SCD5: variants seen among roughly 807,000 people sequenced by gnomAD.
SCD5 encodes acyl-CoA-desaturase 4.
SCD5 carries 20 observed loss-of-function variants against 30.4 expected under a neutral mutation model. The ratio of observed to expected loss-of-function variants is 0.66; its 90% confidence interval spans 0.46 to 0.96. The LOEUF (loss-of-function observed/expected upper bound fraction) is 0.96, where lower values mean the gene tolerates loss of function less well. Among genes scored for constraint, SCD5 ranks in the 40% least tolerant of loss-of-function variants. The pLI, the probability that SCD5 is intolerant of heterozygous loss-of-function variation, is 0.00. For missense variants in SCD5, 381 were observed against 443.3 expected (o/e 0.86, Z 1.26); for synonymous variants, 173 against 176.4 (o/e 0.98, Z 0.16).
intron 3 of SCD5, among the ~76,000 whole-genome samples, chr4:82,637,056 G>A (rs1020524955): frequency 2.0e-5 from 3 of 152,184 alleles, no homozygotes; most frequent in Non-Finnish European, 4.4e-5. Context: ...AATGCTATAG[G>A]AAGTGGTAGG....
At chr4:82,730,472 A>G (rs1019911599) in intron 1 of SCD5, among the ~76,000 whole-genome samples, 7 of 148,310 alleles carry the variant, frequency 4.7e-5, no homozygotes, top group Non-Finnish European at 5.9e-5. Context: ...AATTTTTTGT[A>G]TTTTTAGTAG....
At chr4:82,709,003 G>C (rs1321176291) in intron 1 of SCD5, among the ~76,000 whole-genome samples, 1 of 152,076 alleles carries the variant, frequency 6.6e-6, no homozygotes. Flanking sequence ...ACAAGTGTAG[G>C]GGGTAGGTGC....
intron 1 of SCD5, among the ~76,000 whole-genome samples, chr4:82,737,714 T>C (rs951897979): frequency 2.6e-5 from 4 of 152,232 alleles, no homozygotes; most frequent in Non-Finnish European, 5.9e-5. Flanking sequence ...TTTCTGGCCA[T>C]CTCTGATTTA....
intron 4 of SCD5, among the ~76,000 whole-genome samples, chr4:82,632,772 T>C (rs1372855616): frequency 1.1e-5 from 1 of 95,090 alleles, no homozygotes; most frequent in Non-Finnish European, 2.7e-5. Context: ...TTGATTTGCA[T>C]GACTCTCTCA....
intron 3 of SCD5, among the ~76,000 whole-genome samples, chr4:82,652,027 G>A (rs1424971904): frequency 6.6e-6 from 1 of 152,178 alleles, no homozygotes; most frequent in South Asian, 2.1e-4. Context: ...GTCTGGAGTG[G>A]GGCATGAGAT....
At chr4:82,721,520 T>C (rs373934251) in intron 1 of SCD5, among the ~76,000 whole-genome samples, 22 of 152,290 alleles carry the variant, frequency 1.4e-4, no homozygotes, top group South Asian at 6.2e-4. Flanking sequence ...ACAGAGGTAA[T>C]CAAGTTAAAA....
intron 2 of SCD5, among the ~76,000 whole-genome samples, chr4:82,687,500 T>C (rs922326807): frequency 1.3e-5 from 2 of 152,224 alleles, no homozygotes; most frequent in Non-Finnish European, 2.9e-5. Context: ...GCAGTTAAGA[T>C]TCATCTGGCA....
chr4:82,725,950 T>C (rs1720460171), intron 1 of SCD5, among the ~76,000 whole-genome samples: 1 of 152,202 alleles, frequency 6.6e-6, no homozygotes, highest in Non-Finnish European at 1.5e-5. Context: ...GGATTTCAAC[T>C]GACAAGGTGA....
intron 1 of SCD5, among the ~76,000 whole-genome samples, chr4:82,717,510 G>C (rs1310604479): frequency 6.6e-6 from 1 of 151,728 alleles, no homozygotes; most frequent in Non-Finnish European, 1.5e-5. Context: ...ATTTTATCTT[G>C]GGCAGTAAGT....
intron 1 of SCD5, among the ~76,000 whole-genome samples, chr4:82,798,086 C>CGGGGGGGGGG (rs34694654): frequency 8.1e-6 from 1 of 124,050 alleles, no homozygotes; most frequent in African/African-American, 3.6e-5. Context: ...GGGGTGGGGG[C>CGGGGGGGGGG]GGGGGGGGGG....
intron 1 of SCD5, among the ~76,000 whole-genome samples, chr4:82,792,402 T>C (rs1722116677): frequency 6.6e-6 from 1 of 151,914 alleles, no homozygotes. Flanking sequence ...TGTCTACTCT[T>C]TAGCAAGTCC....
intron 1 of SCD5, among the ~76,000 whole-genome samples, chr4:82,730,254 A>C (rs1228856132): frequency 2.6e-5 from 3 of 113,732 alleles, no homozygotes; most frequent in Non-Finnish European, 5.0e-5. Flanking sequence ...CATATAATAT[A>C]TTATACATTT....
intron 1 of SCD5, among the ~76,000 whole-genome samples, chr4:82,792,992 G>A (rs1578070864): frequency 1.3e-5 from 2 of 152,212 alleles, no homozygotes; most frequent in South Asian, 2.1e-4. Context: ...ATACTTGTTG[G>A]GACTATTAGA....
At chr4:82,673,029 G>T (rs1728360452) in intron 3 of SCD5, among the ~76,000 whole-genome samples, 1 of 152,000 alleles carries the variant, frequency 6.6e-6, no homozygotes, top group African/African-American at 2.4e-5. Flanking sequence ...AATTCTCAAT[G>T]ATAAAGAATA....
intron 1 of SCD5, among the ~76,000 whole-genome samples, chr4:82,790,383 A>G (rs1297087761): frequency 6.6e-6 from 1 of 152,136 alleles, no homozygotes; most frequent in Admixed American, 6.5e-5. Flanking sequence ...TCTCCACGTT[A>G]TGTTCCTCTC....
At chr4:82,748,473 G>A (rs1394050774) in intron 1 of SCD5, among the ~76,000 whole-genome samples, 2 of 152,246 alleles carry the variant, frequency 1.3e-5, no homozygotes, top group Non-Finnish European at 2.9e-5. Flanking sequence ...GAATTTAAAC[G>A]TTAAGTTTAA....
intron 1 of SCD5, among the ~76,000 whole-genome samples, chr4:82,759,649 A>C (rs113909643): frequency 4.2e-5 from 2 of 47,966 alleles, no homozygotes; most frequent in Non-Finnish European, 9.2e-5. Context: ...ACCCCGTCTT[A>C]AAAAAAAAAA....
chr4:82,717,329 G>A (rs773778035), intron 1 of SCD5, among the ~76,000 whole-genome samples: 3 of 151,628 alleles, frequency 2.0e-5, no homozygotes, highest in Non-Finnish European at 4.4e-5. Flanking sequence ...GTGAAATGGG[G>A]AAGAGCAAAC....
intron 1 of SCD5, among the ~76,000 whole-genome samples, chr4:82,758,889 C>A (rs956917432): frequency 2.6e-5 from 4 of 152,148 alleles, no homozygotes; most frequent in African/African-American, 9.7e-5. Context: ...AGCAGAGGCG[C>A]CTCCCCCGCG....
Sources: gnomAD v4.1 joint callset for allele counts (sites outside exome capture counted in the v4.1 genomes callset) on GRCh38, gnomAD v4.1.1 for gene constraint, MANE v1.5 for transcripts, NCBI Gene and HGNC (gene_info 2026-07-23, HGNC 2026-07-21) for gene names.